The following GADL1 variants were observed in gnomAD, a reference collection of about 807,000 sequenced individuals.
GADL1 encodes the protein GAD like acidic amino acid decarboxylase 1, also known as acidic amino acid decarboxylase GADL1.
A neutral mutation model predicts 69.5 loss-of-function variants in GADL1; 71 were observed. That is an observed-to-expected ratio of 1.02 (90% CI 0.84 to 1.25). GADL1 has a LOEUF of 1.25. Among genes scored for constraint, GADL1 ranks in the 50% most tolerant of loss-of-function variants. The pLI, the probability that GADL1 is intolerant of heterozygous loss-of-function variation, is 0.00. For synonymous variants in GADL1, 254 were observed against 214.4 expected (o/e 1.18, Z -1.62); for missense variants, 737 against 631.8 (o/e 1.17, Z -1.79).
intron 11 of GADL1, among the ~76,000 whole-genome samples, chr3:30,820,720 G>A (rs931287566): frequency 1.2e-4 from 18 of 151,982 alleles, no homozygotes; most frequent in African/African-American, 4.3e-4. Flanking sequence ...TTACACTGTT[G>A]GTGGGACTGT....
chr3:30,820,373 T>C (rs1697551564), intron 11 of GADL1, among the ~76,000 whole-genome samples: 1 of 152,082 alleles, frequency 6.6e-6, no homozygotes, highest in Non-Finnish European at 1.5e-5. Flanking sequence ...TATCAGTCTA[T>C]TATAATTGTA....
chr3:30,773,096 T>C (rs987957047), intron 14 of GADL1, among the ~76,000 whole-genome samples: 1 of 150,546 alleles, frequency 6.6e-6, no homozygotes, highest in Non-Finnish European at 1.5e-5. Context: ...TGCAAACTAA[T>C]TAATTATTGT....
chr3:30,804,992 G>T (rs949911228), intron 11 of GADL1, among the ~76,000 whole-genome samples: 9 of 152,140 alleles, frequency 5.9e-5, no homozygotes, highest in African/African-American at 1.9e-4. Context: ...GAATGGATTG[G>T]ATTATACAGT....
chr3:30,856,330 C>T (rs13082580), intron 3 of GADL1, among the ~76,000 whole-genome samples: 12,799 of 152,060 alleles, frequency 0.084, 714 homozygotes, highest in Non-Finnish European at 0.12. Flanking sequence ...GAAACTTGTT[C>T]GCTGGATGAA....
At chr3:30,783,617 G>T (rs1384114068) in intron 13 of GADL1, among the ~76,000 whole-genome samples, 3 of 148,822 alleles carry the variant, frequency 2.0e-5, no homozygotes, top group Admixed American at 6.9e-5. Context: ...GACATTCAGG[G>T]TCTAATTCTG....
At chr3:30,856,621 CTT>C (rs1360932504) in intron 3 of GADL1, among the ~76,000 whole-genome samples, 2 of 151,946 alleles carry the variant, frequency 1.3e-5, no homozygotes, top group Non-Finnish European at 2.9e-5. Context: ...CTTTTGAACA[CTT>C]TTTTTGCATA....
chr3:30,807,486 T>A (rs1005690526), intron 11 of GADL1, among the ~76,000 whole-genome samples: 1 of 152,230 alleles, frequency 6.6e-6, no homozygotes. Flanking sequence ...TAAGCTCCCA[T>A]ACTTGATGTC....
At chr3:30,800,713 G>A in intron 12 of GADL1, 176 bp downstream of exon 12, 1 of 617,958 alleles carries the variant, frequency 1.6e-6, no homozygotes, top group Non-Finnish European at 2.9e-6. Flanking sequence ...GAGAAAATGT[G>A]TATTGGATGA....
At chr3:30,811,387 TG>T (rs1697352439) in intron 11 of GADL1, among the ~76,000 whole-genome samples, 1 of 152,210 alleles carries the variant, frequency 6.6e-6, no homozygotes, top group Non-Finnish European at 1.5e-5. Context: ...AGAGATCACT[TG>T]GCAATACCTC....
At chr3:30,886,015 C>G (rs746500722) in intron 1 of GADL1, among the ~76,000 whole-genome samples, 18 of 151,916 alleles carry the variant, frequency 1.2e-4, no homozygotes, top group Non-Finnish European at 2.2e-4. Context: ...AGATCAAAAA[C>G]AGATTAGCAA....
chr3:30,829,017 A>C (rs1216173388), intron 11 of GADL1, among the ~76,000 whole-genome samples: 1 of 151,894 alleles, frequency 6.6e-6, no homozygotes, highest in Non-Finnish European at 1.5e-5. Flanking sequence ...TCTGTCTCAT[A>C]AACACTAAAA....
At position 30,753,317 on chromosome 3, in the gene GADL1, T is replaced by C. The variant is rs1186758563; in HGVS notation, c.1392+24862A>G. On this transcript the variant is annotated intron_variant, in intron 14 of 14. Transcript: ENST00000282538. ...TTTATTCCTTTGATTCAGAAATTCTTCCTCAAAACCATGTATTTTGAATTC... is the reference window on the plus strand; with the variant it reads ...TTTATTCCTTTGATTCAGAAATTCTCCCTCAAAACCATGTATTTTGAATTC... Among the ~76,000 whole-genome samples the C allele has an allele frequency of 2.4e-4, 36 of 152,206 alleles. 1 individual carries two copies. The highest frequency in any genetic ancestry group is 2.4e-3 in the Admixed American group (36 of 15,274).
At chr3:30,863,246 C>G (rs1698348387) in intron 1 of GADL1, among the ~76,000 whole-genome samples, 2 of 151,838 alleles carry the variant, frequency 1.3e-5, no homozygotes, top group South Asian at 4.2e-4. Flanking sequence ...CCTGAGAGCC[C>G]CTAATTTTTC....
rs541067253 is a variant in GADL1, at chr3:30,804,020, G to A, written c.1051-2932C>T. ...CAAGTATCCAATGAAAAGACAAATTGCTTTATATTGATATTAATTCAACTC... is the reference window on the plus strand; with the variant it reads ...CAAGTATCCAATGAAAAGACAAATTACTTTATATTGATATTAATTCAACTC... On this transcript the variant is annotated intron_variant, in intron 11 of 14. Transcript: ENST00000282538. Among the ~76,000 whole-genome samples the A allele has an allele frequency of 3.3e-3, 496 of 152,218 alleles. 5 individuals carry two copies. Among genetic ancestry groups the A allele is most frequent in the African/African-American group, 0.011 (470 of 41,518 alleles).
At chr3:30,839,514 C>CAAA (rs764490080) in intron 8 of GADL1, among the ~76,000 whole-genome samples, 4 of 105,676 alleles carry the variant, frequency 3.8e-5, no homozygotes, top group African/African-American at 2.0e-4. Context: ...GTCATCTTCT[C>CAAA]AAAAAAAAAA....
intron 1 of GADL1, among the ~76,000 whole-genome samples, chr3:30,894,049 A>G (rs1177712240): frequency 6.6e-6 from 1 of 152,224 alleles, no homozygotes; most frequent in Non-Finnish European, 1.5e-5. Flanking sequence ...AGTTTGGAGG[A>G]ATTCTGCTGC....
chr3:30,894,501 C>T (rs1465107161), intron 1 of GADL1, 77 bp downstream of exon 1: 3 of 1,206,718 alleles, frequency 2.5e-6, no homozygotes, highest in African/African-American at 1.5e-5. Flanking sequence ...CTTCTAGTCC[C>T]CAGGTCAAAA....
chr3:30,766,073 CTG>C (rs374878986), intron 14 of GADL1, among the ~76,000 whole-genome samples: 54 of 152,180 alleles, frequency 3.5e-4, no homozygotes, highest in African/African-American at 9.9e-4. Flanking sequence ...TAAAAATTGA[CTG>C]TATTGGTTAA....
intron 11 of GADL1, among the ~76,000 whole-genome samples, chr3:30,829,254 A>G (rs17026643): frequency 0.36 from 55,065 of 151,384 alleles, 13,808 homozygotes; most frequent in African/African-American, 0.68. Flanking sequence ...TTCAAAGAGG[A>G]TTAGTGATAG....
Sources: allele counts gnomAD v4.1 joint callset (sites outside exome capture counted in the v4.1 genomes callset), GRCh38; gene constraint gnomAD v4.1.1; transcripts MANE v1.5; gene names NCBI Gene and HGNC (gene_info 2026-07-23, HGNC 2026-07-21).